Variants in THTPA observed in about 807,000 individuals in gnomAD.
The protein encoded by THTPA is thiamine-triphosphatase.
Under a neutral mutation model 16.5 loss-of-function variants are expected in THTPA, and 16 were observed. The ratio of observed to expected loss-of-function variants is 0.97; its 90% confidence interval spans 0.66 to 1.47. THTPA has a LOEUF of 1.47. Among genes scored for constraint, THTPA ranks in the 40% most tolerant of loss-of-function variants. THTPA has a pLI of 0.00. For missense variants in THTPA, 281 were observed against 280.9 expected, an observed-to-expected ratio of 1.00 and a Z score of 0.00; for synonymous variants, 110 against 115.5, an observed-to-expected ratio of 0.95 and a Z score of 0.30.
chr14:23,536,095 C>G, the THTPA span, among the ~76,000 whole-genome samples: 4 of 152,186 alleles, frequency 2.6e-5, no homozygotes, highest in African/African-American at 7.2e-5. Flanking sequence ...TCCTGGGGCC[C>G]GCTGAAATCC....
upstream of THTPA, among the ~76,000 whole-genome samples, chr14:23,552,015 T>C (rs1836324190): frequency 3.3e-5 from 5 of 152,116 alleles, no homozygotes; most frequent in South Asian, 4.1e-4. Context: ...AAACCATACA[T>C]GTGTTTTGTT....
At chr14:23,529,850 T>C in the THTPA span, 162 of 1,400,618 alleles carry the variant, frequency 1.2e-4, no homozygotes, top group Non-Finnish European at 1.5e-4. Context: ...GGGTAGGGAG[T>C]TGGGCACTAG....
At chr14:23,529,042 G>A in the THTPA span, among the ~76,000 whole-genome samples, 1 of 152,246 alleles carries the variant, frequency 6.6e-6, no homozygotes, top group Admixed American at 6.5e-5. Context: ...ACTTCAGCTT[G>A]CAGTAATGCA....
At chr14:23,516,623 C>G in the THTPA span, among the ~76,000 whole-genome samples, 1 of 152,180 alleles carries the variant, frequency 6.6e-6, no homozygotes, top group African/African-American at 2.4e-5. Context: ...AGAGATTATT[C>G]TCTGTGATCA....
In THTPA at chr14:23,556,666, G is replaced by T; in HGVS notation, c.-92G>T. On this transcript the variant is annotated 5_prime_UTR_variant, in exon 1 of 2. Transcript: ENST00000288014. The stretch of plus-strand genomic sequence containing the variant: ...CCCTCATAAGTTTTTCCAGGGAGGG[G>T]TTCTGTACTGAGTTGACGCCCCAGG... The T allele has an allele frequency of 7.2e-7, 1 of 1,390,484 alleles. No homozygotes were observed. The highest frequency in any genetic ancestry group is 2.5e-5 in the East Asian group (1 of 40,814). The allele number at this position is 1,390,484 out of a possible 1,614,324, so 86.1% of individuals were successfully genotyped here. A position where few individuals can be genotyped will look rare whatever the true frequency, so the allele number is the denominator to read the frequency against.
chr14:23,530,145 A>G, the THTPA span: 1 of 1,535,992 alleles, frequency 6.5e-7, no homozygotes, highest in Non-Finnish European at 8.7e-7. Flanking sequence ...TGTTCTGGGC[A>G]TCTTTCTCAG....
At chr14:23,549,524 C>T in the THTPA span, among the ~76,000 whole-genome samples, 4 of 151,978 alleles carry the variant, frequency 2.6e-5, no homozygotes, top group Non-Finnish European at 4.4e-5. Flanking sequence ...TTTTATTACA[C>T]TAATAAACAC....
At chr14:23,528,838 C>T in the THTPA span, 1 of 985,416 alleles carries the variant, frequency 1.0e-6, no homozygotes, top group Non-Finnish European at 1.2e-6. Flanking sequence ...CATCACCTGA[C>T]TGCCAGACCT....
upstream of THTPA, among the ~76,000 whole-genome samples, chr14:23,555,000 T>G (rs1031943890): frequency 1.3e-5 from 2 of 152,184 alleles, no homozygotes; most frequent in Non-Finnish European, 2.9e-5. Flanking sequence ...TTTATTTTTT[T>G]GGGGACAGAT....
At chr14:23,524,862 C>T in the THTPA span, 2 of 1,536,682 alleles carry the variant, frequency 1.3e-6, no homozygotes, top group Admixed American at 2.0e-5. The surrounding 1 kb of genome is among the most constrained non-coding windows in gnomAD (Gnocchi z 5.6). Context: ...GTCTGGTCAT[C>T]ATAGCACTTC....
the THTPA span, among the ~76,000 whole-genome samples, chr14:23,536,485 AAGATAACAGCT>A: frequency 6.6e-6 from 1 of 152,220 alleles, no homozygotes; most frequent in East Asian, 1.9e-4. Context: ...GGTCAGTTGA[AAGATAACAGCT>A]AGTCGGTTGC....
At chr14:23,529,330 G>T in the THTPA span, 6 of 233,316 alleles carry the variant, frequency 2.6e-5, no homozygotes, top group Non-Finnish European at 4.2e-5. Context: ...TAGGAACACC[G>T]GTGTCTTGTC....
rs1410848114 is a variant in THTPA at position 23,560,172 on chromosome 14, ACT to A, written c.*1333_*1334del. The A allele has an allele frequency of 3.9e-6, 6 of 1,541,332 alleles. No homozygotes were observed. Among genetic ancestry groups the A allele is most frequent in the Non-Finnish European group, 5.3e-6 (6 of 1,127,442 alleles). On this transcript the variant is annotated 3_prime_UTR_variant, in exon 2 of 2. Transcript: ENST00000288014. ...TCCAGATGACTCAATCCCATCTCAC[ACT>A]GTCTCCCACCCACCTCCTCCACTTA... is the stretch of plus-strand genomic sequence containing the variant.
chr14:23,546,196 A>G, the THTPA span, among the ~76,000 whole-genome samples: 1 of 152,210 alleles, frequency 6.6e-6, no homozygotes, highest in Admixed American at 6.5e-5. This position sits in a 1 kb window ranked among gnomAD's most constrained non-coding sequence, Gnocchi z 4.7. Context: ...ACCCTGGAAC[A>G]TTCATGTCTT....
upstream of THTPA, among the ~76,000 whole-genome samples, chr14:23,555,340 A>C (rs1357405715): frequency 2.0e-5 from 3 of 152,126 alleles, no homozygotes; most frequent in Non-Finnish European, 2.9e-5. Flanking sequence ...ACACCTGACA[A>C]AAACTGCTTA....
chr14:23,527,671 G>C, the THTPA span: 2 of 1,536,340 alleles, frequency 1.3e-6, no homozygotes, highest in Non-Finnish European at 1.7e-6. Flanking sequence ...GAAGTGCAGG[G>C]CAGGCCGGCC....
the THTPA span, chr14:23,531,882 T>C: frequency 1.0e-6 from 1 of 970,884 alleles, no homozygotes; most frequent in Non-Finnish European, 1.3e-6. Flanking sequence ...GGTTCAGTGA[T>C]TCTCATGCCT....
At chr14:23,533,534 G>A in the THTPA span, 1 of 1,536,190 alleles carries the variant, frequency 6.5e-7, no homozygotes, top group South Asian at 1.2e-5. This position sits in a 1 kb window ranked among gnomAD's most constrained non-coding sequence, Gnocchi z 4.8. Context: ...TGCAGCATTA[G>A]GACATTCTGC....
chr14:23,513,502 T>G, the THTPA span: 1 of 152,480 alleles, frequency 6.6e-6, no homozygotes, highest in East Asian at 1.9e-4. Context: ...GCCAATCTAG[T>G]GTACAACCAG....
Sources: allele counts gnomAD v4.1 joint callset (sites outside exome capture counted in the v4.1 genomes callset), GRCh38; gene constraint gnomAD v4.1.1; non-coding constraint Gnocchi (gnomAD v3.1); transcripts MANE v1.5; gene names NCBI Gene and HGNC (gene_info 2026-07-23, HGNC 2026-07-21).